The following FAM117B variants were observed in gnomAD, a reference collection of about 807,000 sequenced individuals.
FAM117B encodes protein FAM117B.
Under a neutral mutation model 52.8 loss-of-function variants are expected in FAM117B, and 22 were observed. The ratio of observed to expected loss-of-function variants is 0.42; its 90% CI spans 0.30 to 0.59. The LOEUF (loss-of-function observed/expected upper bound fraction) is 0.59, where lower values mean the gene tolerates loss of function less well. Ranked by LOEUF, FAM117B falls within the 20% of genes least tolerant of loss-of-function variation. The pLI, the probability that FAM117B is intolerant of heterozygous loss-of-function variation, is 0.22. For missense variants in FAM117B, 678 were observed against 802.6 expected (o/e 0.84, Z 1.88); for synonymous variants, 309 against 324.1 (o/e 0.95, Z 0.50).
chr2:202,664,352 A>G (rs1690171441), intron 1 of FAM117B, among the ~76,000 whole-genome samples: 1 of 152,240 alleles, frequency 6.6e-6, no homozygotes, highest in South Asian at 2.1e-4. Flanking sequence ...GCAACATAGT[A>G]GAATAGCCTG....
chr2:202,683,028 G>A (rs1485736654), intron 1 of FAM117B, among the ~76,000 whole-genome samples: 6 of 152,232 alleles, frequency 3.9e-5, no homozygotes, highest in African/African-American at 1.4e-4. Flanking sequence ...ACAGAATCCA[G>A]TGAATTAGGA....
At chr2:202,737,217 A>G (rs1180976670) in intron 4 of FAM117B, among the ~76,000 whole-genome samples, 2 of 152,212 alleles carry the variant, frequency 1.3e-5, no homozygotes, top group African/African-American at 4.8e-5. Flanking sequence ...TTCAGCATGT[A>G]ACTGTCTCTA....
At chr2:202,736,517 T>C (rs1296024706) in intron 4 of FAM117B, among the ~76,000 whole-genome samples, 2 of 152,128 alleles carry the variant, frequency 1.3e-5, no homozygotes, top group African/African-American at 4.8e-5. Context: ...TCCCAGCACT[T>C]TGGGAGTTCG....
chr2:202,757,179 T>C lies in FAM117B; in HGVS notation c.1105-34T>C, dbSNP rs115849816. 9.4e-4 allele frequency: 1,501 copies of C among 1,592,662 alleles called. 17 individuals carry two copies. In the African/African-American group the frequency reaches 0.018, roughly 19 times the overall value. ...ATTGCTGGTGATTCGAAATTAATTA[T>C]AAATATACCTATGTTTTTACAATTT... On this transcript the variant is annotated intron_variant, in intron 5 of 7. Coordinates refer to ENST00000392238, the MANE Select transcript of FAM117B (RefSeq NM_173511.4).
chr2:202,699,409 A>G (rs561745157), intron 2 of FAM117B, among the ~76,000 whole-genome samples: 2 of 138,140 alleles, frequency 1.4e-5, no homozygotes, highest in African/African-American at 2.7e-5. Context: ...CCTGGGTGAC[A>G]GAGTGAGACC....
At chr2:202,687,118 A>C (rs765121786) in intron 1 of FAM117B, among the ~76,000 whole-genome samples, 1 of 152,208 alleles carries the variant, frequency 6.6e-6, no homozygotes, top group Non-Finnish European at 1.5e-5. Flanking sequence ...CAGCAATAAA[A>C]AGGAATGAAC....
intron 1 of FAM117B, among the ~76,000 whole-genome samples, chr2:202,675,590 C>A (rs1161580117): frequency 6.6e-5 from 10 of 152,064 alleles, no homozygotes; most frequent in Non-Finnish European, 1.3e-4. Context: ...GAGACAACCT[C>A]TGAGATGGCT....
At chr2:202,758,989 G>A (rs998503784) in intron 6 of FAM117B, among the ~76,000 whole-genome samples, 1 of 152,230 alleles carries the variant, frequency 6.6e-6, no homozygotes. Flanking sequence ...AAATAAGGCA[G>A]CCAGCTAGAT....
chr2:202,716,878 A>G (rs1691065935), intron 2 of FAM117B, among the ~76,000 whole-genome samples: 1 of 151,880 alleles, frequency 6.6e-6, no homozygotes, highest in Non-Finnish European at 1.5e-5. Context: ...AATTATTTCA[A>G]TCTCTTTGTT....
At chr2:202,761,875 ATTC>A (rs1691895632) in intron 7 of FAM117B, among the ~76,000 whole-genome samples, 1 of 151,072 alleles carries the variant, frequency 6.6e-6, no homozygotes, top group Non-Finnish European at 1.5e-5. Context: ...AGGTAAACCT[ATTC>A]TTTTTTTTTT....
At chr2:202,761,252 T>C (rs1691883731) in intron 7 of FAM117B, among the ~76,000 whole-genome samples, 2 of 152,246 alleles carry the variant, frequency 1.3e-5, no homozygotes, top group Non-Finnish European at 2.9e-5. Context: ...AAGTGCTAAA[T>C]GTAGAGATTT....
chr2:202,764,014 C>A (rs1320418704), intron 7 of FAM117B, among the ~76,000 whole-genome samples: 1 of 152,152 alleles, frequency 6.6e-6, no homozygotes, highest in African/African-American at 2.4e-5. Context: ...GCGGTCTTAA[C>A]CTCTTCTGTG....
chr2:202,704,290 G>A (rs181963756), intron 2 of FAM117B, among the ~76,000 whole-genome samples: 1 of 152,286 alleles, frequency 6.6e-6, no homozygotes, highest in African/African-American at 2.4e-5. Flanking sequence ...AAAAATTAAA[G>A]TGATTACCTT....
At chr2:202,706,365 G>C (rs1229011473) in intron 2 of FAM117B, among the ~76,000 whole-genome samples, 1 of 152,084 alleles carries the variant, frequency 6.6e-6, no homozygotes, top group African/African-American at 2.4e-5. Context: ...TTTCTAAAAG[G>C]ACCTTGGCTT....
chr2:202,686,642 A>G (rs1690541477), intron 1 of FAM117B, among the ~76,000 whole-genome samples: 1 of 152,106 alleles, frequency 6.6e-6, no homozygotes, highest in African/African-American at 2.4e-5. Flanking sequence ...ACCCGCCTCT[A>G]CTAAAAATAC....
intron 1 of FAM117B, among the ~76,000 whole-genome samples, chr2:202,636,510 T>C (rs757326391): frequency 1.3e-5 from 2 of 152,218 alleles, no homozygotes; most frequent in Non-Finnish European, 2.9e-5. Context: ...GGAGCTAACA[T>C]TCGTTGTTTT....
intron 2 of FAM117B, among the ~76,000 whole-genome samples, chr2:202,713,038 G>A (rs1337398843): frequency 6.6e-6 from 1 of 152,060 alleles, no homozygotes; most frequent in East Asian, 1.9e-4. Flanking sequence ...GGGTAATACT[G>A]GCCTCGTAGA....
At chr2:202,730,395 C>T (rs1270705607) in intron 4 of FAM117B, among the ~76,000 whole-genome samples, 1 of 152,064 alleles carries the variant, frequency 6.6e-6, no homozygotes, top group East Asian at 1.9e-4. Flanking sequence ...TAAGGCCGGC[C>T]GTGGTGGTTC....
intron 1 of FAM117B, among the ~76,000 whole-genome samples, chr2:202,676,798 G>A (rs1690385278): frequency 6.6e-6 from 1 of 152,188 alleles, no homozygotes; most frequent in Admixed American, 6.5e-5. Context: ...TAGAAATGTG[G>A]AAGAAGCCTT....
Sources: gnomAD v4.1 joint callset for allele counts (sites outside exome capture counted in the v4.1 genomes callset) on GRCh38, gnomAD v4.1.1 for gene constraint, MANE v1.5 for transcripts, NCBI Gene and HGNC (gene_info 2026-07-23, HGNC 2026-07-21) for gene names.